The following CAPN5 variants were observed in gnomAD, a reference collection of about 807,000 sequenced individuals.
The protein encoded by CAPN5 is calpain 5.
CAPN5 carries 54 observed loss-of-function variants against 73.0 expected under a neutral mutation model. That is an observed-to-expected ratio of 0.74 (90% CI 0.59 to 0.93). The LOEUF is 0.93. Ranked by LOEUF, CAPN5 falls within the 40% of genes least tolerant of loss-of-function variation. CAPN5 has a pLI of 0.00. For missense variants in CAPN5, 785 were observed against 882.9 expected, an observed-to-expected ratio of 0.89 and a Z score of 1.41; for synonymous variants, 335 against 356.9, an observed-to-expected ratio of 0.94 and a Z score of 0.69.
At chr11:77,100,594 G>C (rs4944139) in intron 3 of CAPN5, among the ~76,000 whole-genome samples, 3 of 152,076 alleles carry the variant, frequency 2.0e-5, no homozygotes, top group Non-Finnish European at 4.4e-5. Context: ...TCCAGAAATA[G>C]GGGATCCTCC....
At chr11:77,082,896 C>G (rs1021851262) in intron 1 of CAPN5, among the ~76,000 whole-genome samples, 11 of 152,250 alleles carry the variant, frequency 7.2e-5, no homozygotes, top group Non-Finnish European at 2.9e-5. Context: ...GATTTCTGGG[C>G]TCCTGCTTTC....
chr11:77,118,191 G>A lies in CAPN5; in HGVS notation c.1006G>A (p.Asp336Asn), dbSNP rs201059871. ...CGAGGACGTGTGCCGGTACTTCACG[G>A]ACATCATCAAGTGCCGCGTGATCAA... ...TFEDVCRYFT[D>N]IIKCRVINTS... Residue 336 changes from aspartate (D) to asparagine (N), a missense_variant, in exon 8 of 13, where the codon GAC becomes AAC. Physicochemically the swap from Asp to Asn is conservative, Grantham distance 23 (BLOSUM62 1). Coordinates refer to ENST00000648180, the MANE Select transcript of CAPN5 (RefSeq NM_004055.5). 1 of 1,614,008 alleles carries A rather than the reference G, an allele frequency of 6.2e-7. No homozygotes were observed. Among genetic ancestry groups the A allele is most frequent in the African/African-American group, 1.3e-5 (1 of 75,032 alleles).
chr11:77,117,276 C>A (rs561877114), intron 7 of CAPN5, among the ~76,000 whole-genome samples: 1 of 152,182 alleles, frequency 6.6e-6, no homozygotes, highest in Non-Finnish European at 1.5e-5. Context: ...AAAAGTTCAT[C>A]CTGCATTCAT....
chr11:77,123,981 A>G lies in CAPN5; in HGVS notation c.*111A>G. The G allele has an allele frequency of 2.0e-6, 2 of 1,022,648 alleles. No homozygotes were observed. Among genetic ancestry groups the G allele is most frequent in the African/African-American group, 1.6e-5 (1 of 62,624 alleles). The allele number at this position is 1,022,648 out of a possible 1,614,324, so 63.3% of individuals were successfully genotyped here. On this transcript the variant is annotated 3_prime_UTR_variant, in exon 13 of 13. Coordinates refer to ENST00000648180, the MANE Select transcript of CAPN5 (RefSeq NM_004055.5). Reference sequence around the variant, plus strand: ...ACTGGGGTCCTTTTCCCACTCTTCCACTGACTTGCTGTGTGACCTTAGGAA... The same window carrying G: ...ACTGGGGTCCTTTTCCCACTCTTCCGCTGACTTGCTGTGTGACCTTAGGAA...
At chr11:77,119,998 C>G (rs1555042469) in intron 9 of CAPN5, 1 of 152,232 alleles carries the variant, frequency 6.6e-6, no homozygotes, top group African/African-American at 2.4e-5. Flanking sequence ...CTGTTGGAGT[C>G]AGAAACCCCA....
chr11:77,073,878 G>T (rs1949938164), intron 1 of CAPN5, among the ~76,000 whole-genome samples: 1 of 152,166 alleles, frequency 6.6e-6, no homozygotes, highest in African/African-American at 2.4e-5. Flanking sequence ...GGAGCCCAGA[G>T]CTCTGGGTGG....
At chr11:77,088,034 G>A (rs1295221044) in intron 2 of CAPN5, 21 of 1,535,674 alleles carry the variant, frequency 1.4e-5, no homozygotes, top group East Asian at 7.3e-5. Context: ...CAGGGTGTCC[G>A]TCCTCCTCGC....
At chr11:77,117,951 TACAGGTGAGGAA>T (rs1950484374) in intron 7 of CAPN5, among the ~76,000 whole-genome samples, 194 bp from the exon 8 acceptor site, 1 of 152,244 alleles carries the variant, frequency 6.6e-6, no homozygotes, top group Admixed American at 6.5e-5. Flanking sequence ...AGCCTCATTT[TACAGGTGAGGAA>T]ACAGGTCAAA....
At chr11:77,075,857 A>C (rs1004116734) in intron 1 of CAPN5, among the ~76,000 whole-genome samples, 2 of 152,048 alleles carry the variant, frequency 1.3e-5, no homozygotes, top group African/African-American at 4.8e-5. Context: ...CACTACCCCC[A>C]AGATAGCCAA....
In CAPN5 at chr11:77,120,619, A is replaced by G. The variant is rs529804624; in HGVS notation, c.1291-94A>G. The G allele has an allele frequency of 7.8e-6, 6 of 766,370 alleles. No individual in the cohort carries two copies. The South Asian group carries it at 9.1e-5, about 12-fold the overall frequency. 47.5% of individuals were successfully genotyped at this position (766,370 alleles called of 1,614,324 possible). ...CGGACATTTCATATAAAGGGATTCC[A>G]TCGTCCCTTCCATGGTGGTGAGGGG... On this transcript the variant is annotated intron_variant, in intron 9 of 12. Coordinates refer to ENST00000648180, the MANE Select transcript of CAPN5 (RefSeq NM_004055.5).
In CAPN5 at chr11:77,118,087, T is replaced by C. The variant is rs970000061; in HGVS notation, c.972-70T>C. On this transcript the variant is annotated intron_variant, in intron 7 of 12. Coordinates refer to ENST00000648180, the MANE Select transcript of CAPN5 (RefSeq NM_004055.5). ...TGGGCCATATGGACATATTAGGTTG[T>C]TGGGCTGGGGGGCCAAGAGCCTGGG... 4.9e-6 allele frequency: 7 copies of C among 1,429,948 alleles called. No individual in the cohort carries two copies. In the African/African-American group the frequency reaches 9.9e-5, roughly 20 times the overall value. 88.6% of individuals were successfully genotyped at this position (1,429,948 alleles called of 1,614,324 possible). A position where few individuals can be genotyped will look rare whatever the true frequency, so the allele number is the denominator to read the frequency against.
At chr11:77,071,551 T>C in intron 1 of CAPN5, 1 of 430,032 alleles carries the variant, frequency 2.3e-6, no homozygotes, top group South Asian at 1.6e-5. Flanking sequence ...TCCTGTCTGG[T>C]ATGTGGGGTC....
chr11:77,092,742 C>T (rs375093188), intron 2 of CAPN5, among the ~76,000 whole-genome samples: 20 of 152,264 alleles, frequency 1.3e-4, no homozygotes, highest in South Asian at 1.2e-3. Context: ...TTTGGGAGGC[C>T]GAGGCCAGCA....
intron 9 of CAPN5, chr11:77,120,074 G>T (rs1321047304): frequency 6.6e-6 from 1 of 152,142 alleles, no homozygotes; most frequent in Admixed American, 6.5e-5. Context: ...TTTACAGAGG[G>T]TCTTGCTCTG....
intron 12 of CAPN5, 135 bp from the exon 13 acceptor site, chr11:77,123,553 G>T: frequency 1.4e-6 from 1 of 732,252 alleles, no homozygotes. Context: ...TGGGGAGGCA[G>T]ACAGCCCAGG....
At chr11:77,088,961 C>T (rs1031845820) in intron 2 of CAPN5, among the ~76,000 whole-genome samples, 1 of 152,100 alleles carries the variant, frequency 6.6e-6, no homozygotes, top group Non-Finnish European at 1.5e-5. Context: ...AAATGGTCAA[C>T]CCCCAGCCCT....
At chr11:77,093,658 G>A (rs781850139) in intron 2 of CAPN5, 24 bp from the exon 3 acceptor site, 47 of 1,553,046 alleles carry the variant, frequency 3.0e-5, no homozygotes, top group Middle Eastern at 1.7e-4. Flanking sequence ...CGCCCCTCAC[G>A]CTCTCTCCTC....
intron 1 of CAPN5, among the ~76,000 whole-genome samples, chr11:77,082,323 G>A (rs1350546620): frequency 2.6e-5 from 4 of 152,196 alleles, no homozygotes; most frequent in Admixed American, 6.5e-5. Flanking sequence ...CAGGGGTCCT[G>A]CTCGGCCCAA....
intron 10 of CAPN5, among the ~76,000 whole-genome samples, chr11:77,121,723 G>A (rs960420968): frequency 6.6e-6 from 1 of 152,256 alleles, no homozygotes; most frequent in Non-Finnish European, 1.5e-5. Flanking sequence ...CCCTGGGGAA[G>A]GATGGGGTAC....
Sources: allele counts gnomAD v4.1 joint callset (sites outside exome capture counted in the v4.1 genomes callset), GRCh38; gene constraint gnomAD v4.1.1; transcripts MANE v1.5; gene names NCBI Gene and HGNC (gene_info 2026-07-23, HGNC 2026-07-21).